The following SLC25A21 variants were observed in gnomAD, a reference collection of about 807,000 sequenced individuals.
The protein encoded by SLC25A21 is solute carrier family 25 member 21.
In SLC25A21, 47 loss-of-function variants were observed where a neutral mutation model predicts 43.8. The observed-to-expected ratio is 1.07, with a 90% CI of 0.85 to 1.37. The LOEUF is 1.37. Ranked by LOEUF, SLC25A21 falls within the 40% of genes most tolerant of loss-of-function variation. SLC25A21 has a pLI of 0.00. For missense variants in SLC25A21, 352 were observed against 350.2 expected, an observed-to-expected ratio of 1.00 and a Z score of -0.04; for synonymous variants, 131 against 121.3, an observed-to-expected ratio of 1.08 and a Z score of -0.52.
chr14:37,019,426 T>C (rs1029258258), intron 1 of SLC25A21, among the ~76,000 whole-genome samples: 1 of 151,904 alleles, frequency 6.6e-6, no homozygotes, highest in Non-Finnish European at 1.5e-5. Flanking sequence ...ATTTCCTTAA[T>C]ATCACATATC....
At chr14:36,869,277 G>A (rs1281419479) in intron 2 of SLC25A21, among the ~76,000 whole-genome samples, 1 of 152,180 alleles carries the variant, frequency 6.6e-6, no homozygotes, top group African/African-American at 2.4e-5. Context: ...CAGAGTGGGT[G>A]TATTCTCCTG....
chr14:37,048,938 A>G (rs1402466336), intron 1 of SLC25A21, among the ~76,000 whole-genome samples: 1 of 152,180 alleles, frequency 6.6e-6, no homozygotes. Context: ...CTCATAGACT[A>G]GTTATACTCA....
At chr14:36,715,887 T>C (rs1884108745) in intron 6 of SLC25A21, among the ~76,000 whole-genome samples, 1 of 151,608 alleles carries the variant, frequency 6.6e-6, no homozygotes, top group Admixed American at 6.6e-5. Context: ...AGGTCAGGAG[T>C]GCGAGACCAG....
intron 1 of SLC25A21, among the ~76,000 whole-genome samples, chr14:37,059,657 A>G (rs2138809785): frequency 6.6e-6 from 1 of 152,354 alleles, no homozygotes; most frequent in Admixed American, 6.5e-5. Flanking sequence ...TACTGCCAAG[A>G]GAAAAATGCC....
At chr14:36,979,099 T>C (rs1959951215) in intron 1 of SLC25A21, among the ~76,000 whole-genome samples, 1 of 151,998 alleles carries the variant, frequency 6.6e-6, no homozygotes, top group African/African-American at 2.4e-5. Context: ...AAAAAAACAG[T>C]TTACTGTAAG....
intron 3 of SLC25A21, among the ~76,000 whole-genome samples, chr14:36,737,207 T>G (rs527790160): frequency 6.6e-6 from 1 of 152,344 alleles, no homozygotes; most frequent in Admixed American, 6.5e-5. Context: ...AATCTTACAC[T>G]GCTTCTCTGG....
At chr14:36,986,216 C>T (rs1322518522) in intron 1 of SLC25A21, among the ~76,000 whole-genome samples, 1 of 152,110 alleles carries the variant, frequency 6.6e-6, no homozygotes. Flanking sequence ...TTAATTATTT[C>T]TATAATCTAC....
Position 36,711,430 on chromosome 14 carries a change from C to A in SLC25A21, c.491G>T (p.Gly164Val). 6.2e-7 allele frequency: 1 copy of A among 1,614,056 alleles called. No homozygotes were observed. Among genetic ancestry groups the A allele is most frequent in the East Asian group, 2.2e-5 (1 of 44,876 alleles). Residue 164 changes from glycine (G) to valine (V), a missense_variant, in exon 7 of 10, where the codon GGA becomes GTA. Gly to Val is a moderately radical substitution (Grantham distance 109). Transcript: ENST00000331299. ...TAATCCTTTGTTGAGGCCCTGGAGT[C>A]CCCAGCCTTCCTTCTTAATGATTTG... ...ARQIIKKEGW[G>V]LQGLNKGLTA...
chr14:37,151,077 T>A (rs1963751359), intron 1 of SLC25A21, among the ~76,000 whole-genome samples: 1 of 152,196 alleles, frequency 6.6e-6, no homozygotes, highest in Non-Finnish European at 1.5e-5. Flanking sequence ...GCCATGATTC[T>A]ATTTTAGGTG....
At chr14:37,152,178 G>T (rs991901616) in intron 1 of SLC25A21, among the ~76,000 whole-genome samples, 1 of 151,932 alleles carries the variant, frequency 6.6e-6, no homozygotes, top group Non-Finnish European at 1.5e-5. Context: ...TGATAGTTAG[G>T]AAGGATCTAC....
At chr14:37,005,605 T>C (rs1171351262) in intron 1 of SLC25A21, among the ~76,000 whole-genome samples, 1 of 152,202 alleles carries the variant, frequency 6.6e-6, no homozygotes, top group African/African-American at 2.4e-5. Context: ...ACTGCACTTA[T>C]GGATTAGATT....
At chr14:36,975,071 T>C (rs1959838918) in intron 1 of SLC25A21, among the ~76,000 whole-genome samples, 2 of 152,206 alleles carry the variant, frequency 1.3e-5, no homozygotes, top group South Asian at 4.1e-4. Context: ...GAGGAAAGTA[T>C]TATTCTCATT....
chr14:37,167,667 C>T (rs929713084), intron 1 of SLC25A21, among the ~76,000 whole-genome samples: 2 of 152,118 alleles, frequency 1.3e-5, no homozygotes, highest in Non-Finnish European at 2.9e-5. Flanking sequence ...TCTGACCCTT[C>T]CCAAGTCGCT....
At chr14:37,014,974 A>T (rs1960814440) in intron 1 of SLC25A21, among the ~76,000 whole-genome samples, 1 of 152,112 alleles carries the variant, frequency 6.6e-6, no homozygotes, top group African/African-American at 2.4e-5. Flanking sequence ...CATGCTGTAT[A>T]CAGATGTACT....
chr14:36,703,538 T>C (rs1883369804), intron 7 of SLC25A21, among the ~76,000 whole-genome samples: 1 of 152,236 alleles, frequency 6.6e-6, no homozygotes, highest in Admixed American at 6.5e-5. Context: ...ACACATGTAA[T>C]TTATATCATG....
At chr14:36,708,941 T>A (rs1441639195) in intron 7 of SLC25A21, among the ~76,000 whole-genome samples, 1 of 151,974 alleles carries the variant, frequency 6.6e-6, no homozygotes, top group African/African-American at 2.4e-5. Context: ...TGATTAATTG[T>A]AGAATAAAGT....
intron 5 of SLC25A21, among the ~76,000 whole-genome samples, chr14:36,727,379 C>T (rs1884643900): frequency 6.6e-6 from 1 of 152,176 alleles, no homozygotes; most frequent in African/African-American, 2.4e-5. Flanking sequence ...CACCATTGTT[C>T]TTGTTGCGCA....
chr14:36,781,145 G>A (rs1451811374), intron 3 of SLC25A21, among the ~76,000 whole-genome samples: 1 of 152,070 alleles, frequency 6.6e-6, no homozygotes, highest in African/African-American at 2.4e-5. Flanking sequence ...AGCCATCCCT[G>A]CTGTGTTTTG....
intron 3 of SLC25A21, among the ~76,000 whole-genome samples, chr14:36,740,353 C>T (rs190051292): frequency 3.9e-5 from 6 of 152,162 alleles, no homozygotes; most frequent in African/African-American, 1.2e-4. Context: ...CAAAGTCACA[C>T]AGCAAATATG....
Sources: allele counts gnomAD v4.1 joint callset (sites outside exome capture counted in the v4.1 genomes callset), GRCh38; gene constraint gnomAD v4.1.1; transcripts MANE v1.5; gene names NCBI Gene and HGNC (gene_info 2026-07-23, HGNC 2026-07-21).